TMEM245: variants seen among roughly 807,000 people sequenced by gnomAD.
TMEM245 encodes transmembrane protein 245.
A neutral mutation model predicts 101.2 loss-of-function variants in TMEM245; 69 were observed. The observed-to-expected ratio is 0.68, with a 90% CI of 0.56 to 0.83. The LOEUF is 0.83. Ranked by LOEUF, TMEM245 falls within the 40% of genes least tolerant of loss-of-function variation. The pLI, the probability that TMEM245 is intolerant of heterozygous loss-of-function variation, is 0.00. For missense variants in TMEM245, 1,075 were observed against 1,092.8 expected, an observed-to-expected ratio of 0.98 and a Z score of 0.23; for synonymous variants, 537 against 449.8, an observed-to-expected ratio of 1.19 and a Z score of -2.45.
In TMEM245 at chr9:109,036,291, A is replaced by C; in HGVS notation, c.2314T>G (p.Leu772Val). ...AVLDLWLTQG[L>V]GCKAILLLIF... ...AACAGTAAAATGGCCTTGCATCCTA[A>C]CCCTTGTGTCAGCCACAGGTCAAGA... Residue 772 changes from leucine (L) to valine (V), a missense_variant, in exon 16 of 18, where the codon TTA (leucine) becomes GTA (valine). Coordinates refer to ENST00000374586, the MANE Select transcript of TMEM245 (RefSeq NM_032012.4). The C allele has an allele frequency of 6.2e-7, 1 of 1,613,880 alleles. No homozygotes were observed. Among genetic ancestry groups the C allele is most frequent in the Non-Finnish European group, 8.5e-7 (1 of 1,179,968 alleles).
intron 3 of TMEM245, among the ~76,000 whole-genome samples, chr9:109,102,991 T>G (rs891234909): frequency 3.9e-5 from 6 of 152,204 alleles, no homozygotes. Context: ...TACAACTCAT[T>G]AGAGACCTCT....
chr9:109,073,680 A>G (rs55728197), intron 8 of TMEM245, among the ~76,000 whole-genome samples: 19,321 of 152,264 alleles, frequency 0.13, 1,621 homozygotes, highest in Middle Eastern at 0.2. Flanking sequence ...AAAAAAATAC[A>G]TAAATAGATA....
chr9:109,073,075 A>AT (rs1235921461), intron 9 of TMEM245, among the ~76,000 whole-genome samples: 3 of 152,232 alleles, frequency 2.0e-5, no homozygotes, highest in African/African-American at 7.2e-5. Flanking sequence ...AACAAATGAC[A>AT]TAAGACAGAT....
At chr9:109,025,323 G>A (rs1827761903) in intron 17 of TMEM245, among the ~76,000 whole-genome samples, 2 of 152,110 alleles carry the variant, frequency 1.3e-5, no homozygotes, top group Non-Finnish European at 2.9e-5. Context: ...CGCCTGCCTT[G>A]GCCTACCAAA....
Position 109,019,729 on chromosome 9 carries a change from G to T in TMEM245, c.*731C>A, listed in dbSNP as rs933935743. On this transcript the variant is annotated 3_prime_UTR_variant, in exon 18 of 18. Transcript: ENST00000374586. ...ATAACAGCATGAATTTTATCATACT[G>T]TTACCATTCATAGCAGCTTAATAAG... The T allele has an allele frequency of 6.6e-5, 10 of 152,588 alleles. No homozygotes were observed. Among genetic ancestry groups the T allele is most frequent in the African/African-American group, 2.4e-4 (10 of 41,450 alleles). 9.5% of individuals were successfully genotyped at this position (152,588 alleles called of 1,614,324 possible). A position where few individuals can be genotyped will look rare whatever the true frequency, so the allele number is the denominator to read the frequency against.
At chr9:109,098,975 G>C (rs1004526733) in intron 3 of TMEM245, among the ~76,000 whole-genome samples, 1 of 152,076 alleles carries the variant, frequency 6.6e-6, no homozygotes, top group African/African-American at 2.4e-5. Flanking sequence ...AATAAGCATG[G>C]GTAAATATAC....
chr9:109,033,288 T>G lies in TMEM245; in HGVS notation c.2594+19A>C. 1 of 1,577,802 alleles carries G rather than the reference T, an allele frequency of 6.3e-7. No individual in the cohort carries two copies. The highest frequency in any genetic ancestry group is 8.6e-7 in the Non-Finnish European group (1 of 1,163,288). ...TTCAATGTATAAATACAGCTTATGA[T>G]TATTCTGCTTTAACTCACCGCTGAG... is the stretch of plus-strand genomic sequence containing the variant. On this transcript the variant is annotated intron_variant, in intron 17 of 17. Transcript: ENST00000374586.
intron 9 of TMEM245, among the ~76,000 whole-genome samples, chr9:109,067,933 A>T (rs1348748887): frequency 2.0e-5 from 3 of 152,212 alleles, no homozygotes; most frequent in African/African-American, 7.2e-5. Context: ...TCCTGCTGAC[A>T]GAATCCACTG....
intron 12 of TMEM245, among the ~76,000 whole-genome samples, chr9:109,056,321 T>C (rs2780333): frequency 0.93 from 141,272 of 151,728 alleles, 65,883 homozygotes; most frequent in East Asian, 1. Context: ...AGGCCAGGTG[T>C]GATGGCTCAT....
In TMEM245 at chr9:109,091,124, C is replaced by G; in HGVS notation, c.948G>C (p.Thr316=). 1 of 1,613,884 alleles carries G rather than the reference C, an allele frequency of 6.2e-7. No homozygotes were observed. Among genetic ancestry groups the G allele is most frequent in the Non-Finnish European group, 8.5e-7 (1 of 1,179,958 alleles). Residue 316 remains threonine (T), a synonymous_variant, in exon 5 of 18, where the codon ACG becomes ACC. Transcript: ENST00000374586. The part of the protein sequence containing the change: ...EAVDRGESAP[T]LSTSPSPSSP... ...AGGAGGGTGAAGGGGAGGTGGACAA[C>G]GTTGGAGCGGATTCTCCCCTGTCCA...
chr9:109,079,781 A>G lies in TMEM245; in HGVS notation c.1449+1058T>C, dbSNP rs560971997. The stretch of plus-strand genomic sequence containing the variant: ...AGAAGTGTAGAAGAGAGGAGAAAGG[A>G]AAAAAAAAGACCATACTAATGAAAG... On this transcript the variant is annotated intron_variant, in intron 8 of 17. Transcript: ENST00000374586. 2.0e-5 allele frequency among the ~76,000 whole-genome samples: 3 copies of G among 150,584 alleles called. No individual in the cohort carries two copies. The South Asian group carries it at 6.3e-4, about 32-fold the overall frequency.
rs1397935780 is a variant in TMEM245 at position 109,016,406 on chromosome 9, GAAC to G, written c.*4051_*4053del. Reference sequence around the variant, plus strand: ...CCATGAAGAAAAGGAAAGAGAAGTAGAACAACGGACTGACAGAAAAAAAAGAAC... The same window carrying G: ...CCATGAAGAAAAGGAAAGAGAAGTAGAACGGACTGACAGAAAAAAAAGAAC... On this transcript the variant is annotated 3_prime_UTR_variant, in exon 18 of 18. Transcript: ENST00000374586. 1.3e-5 allele frequency: 2 copies of G among 151,366 alleles called. No individual in the cohort carries two copies. The highest frequency in any genetic ancestry group is 2.9e-5 in the Non-Finnish European group (2 of 67,844). The allele number at this position is 151,366 out of a possible 1,614,324, so 9.4% of individuals were successfully genotyped here. A position where few individuals can be genotyped will look rare whatever the true frequency, so the allele number is the denominator to read the frequency against.
chr9:109,045,469 A>AG (rs1430901234), intron 14 of TMEM245, among the ~76,000 whole-genome samples: 1 of 152,208 alleles, frequency 6.6e-6, no homozygotes. Flanking sequence ...GATCATCTGG[A>AG]GGCTATGGTA....
intron 7 of TMEM245, among the ~76,000 whole-genome samples, chr9:109,083,920 AAAAAAAAAAC>A: frequency 6.9e-6 from 1 of 144,228 alleles, no homozygotes; most frequent in Non-Finnish European, 1.5e-5. Context: ...AAAAAAAAAA[AAAAAAAAAAC>A]ACCAGGCATG....
chr9:109,096,158 G>A (rs973237238), intron 3 of TMEM245, among the ~76,000 whole-genome samples: 1 of 152,154 alleles, frequency 6.6e-6, no homozygotes, highest in Non-Finnish European at 1.5e-5. Flanking sequence ...GCATATTAGA[G>A]TTATTTTTAG....
In TMEM245 at chr9:109,057,291, T is replaced by C; in HGVS notation, c.1754A>G (p.Gln585Arg). The change falls in exon 12 of 18, where the codon CAG becomes CGG. Residue 585 changes from glutamine (Q) to arginine (R), a missense_variant. Gln to Arg is a conservative substitution (Grantham distance 43, BLOSUM62 1). Transcript: ENST00000374586. ...ATTCTGACGACTGACATGCAACTTC[T>C]GTCCTTTGTGCCTTCCAGAGTGTGT... is the stretch of plus-strand genomic sequence containing the variant. ...NVTHSGRHKG[Q>R]KLHVSRQNSW... The C allele has an allele frequency of 6.2e-7, 1 of 1,614,158 alleles. No homozygotes were observed. Among genetic ancestry groups the C allele is most frequent in the Non-Finnish European group, 8.5e-7 (1 of 1,179,972 alleles).
chr9:109,037,104 A>G (rs1828151442), intron 15 of TMEM245, among the ~76,000 whole-genome samples: 1 of 152,188 alleles, frequency 6.6e-6, no homozygotes, highest in Non-Finnish European at 1.5e-5. Flanking sequence ...GATGTGGTAG[A>G]GGCAAATGTG....
At chr9:109,052,191 T>C (rs1449262060) in intron 12 of TMEM245, among the ~76,000 whole-genome samples, 1 of 152,164 alleles carries the variant, frequency 6.6e-6, no homozygotes, top group Non-Finnish European at 1.5e-5. Flanking sequence ...TAATGAAAAA[T>C]ACAAAAACAA....
chr9:109,047,152 G>T (rs969806306), intron 14 of TMEM245, among the ~76,000 whole-genome samples: 11 of 152,118 alleles, frequency 7.2e-5, no homozygotes, highest in African/African-American at 2.7e-4. Flanking sequence ...AGAACCATTA[G>T]ATTATAGTTC....
Sources: gnomAD v4.1 joint callset for allele counts (sites outside exome capture counted in the v4.1 genomes callset) on GRCh38, gnomAD v4.1.1 for gene constraint, MANE v1.5 for transcripts, NCBI Gene and HGNC (gene_info 2026-07-23, HGNC 2026-07-21) for gene names.